CCDC30: variants seen among roughly 807,000 people sequenced by gnomAD.
The protein encoded by CCDC30 is coiled-coil domain-containing protein 30.
Under a neutral mutation model 100.2 loss-of-function variants are expected in CCDC30, and 70 were observed. That is an observed-to-expected ratio of 0.70 (90% CI 0.58 to 0.85). The LOEUF is 0.85. Among genes scored for constraint, CCDC30 ranks in the 40% least tolerant of loss-of-function variants. CCDC30 has a pLI of 0.00. For missense variants in CCDC30, 652 were observed against 771.2 expected (o/e 0.85, Z 1.83); for synonymous variants, 233 against 269.5 (o/e 0.86, Z 1.33).
chr1:42,460,057 A>C, upstream of CCDC30: 1 of 1,417,256 alleles, frequency 7.1e-7, no homozygotes, highest in East Asian at 2.5e-5. Context: ...GTGTAGGCAA[A>C]TATGGTTTGG....
intron 6 of CCDC30, among the ~76,000 whole-genome samples, chr1:42,505,727 G>A (rs777215171): frequency 2.2e-4 from 33 of 152,294 alleles, no homozygotes; most frequent in Non-Finnish European, 4.1e-4. Context: ...TGTGAGTTGG[G>A]TGATCCTTTC....
At chr1:42,539,352 A>G in intron 6 of CCDC30, 42 bp downstream of exon 8, 1 of 1,510,598 alleles carries the variant, frequency 6.6e-7, no homozygotes, top group South Asian at 1.3e-5. Context: ...TATTTAATGT[A>G]GCTTTTATGA....
At chr1:42,586,251 G>T (rs1027802370) in intron 9 of CCDC30, among the ~76,000 whole-genome samples, 4 of 152,184 alleles carry the variant, frequency 2.6e-5, no homozygotes, top group Non-Finnish European at 5.9e-5. Context: ...GTGAGAAAAT[G>T]AGATAAGGAG....
intron 9 of CCDC30, among the ~76,000 whole-genome samples, chr1:42,587,477 T>C (rs963019499): frequency 2.6e-5 from 4 of 152,086 alleles, no homozygotes; most frequent in Admixed American, 2.6e-4. Flanking sequence ...GTGAATTAGA[T>C]GAAGGAGAGA....
chr1:42,476,671 A>C lies in CCDC30; in HGVS notation c.-91-3790A>C, dbSNP rs1186260756. 3.6e-3 allele frequency among the ~76,000 whole-genome samples: 538 copies of C among 151,026 alleles called. 3 individuals carry two copies. The highest frequency in any genetic ancestry group is 0.013 in the African/African-American group (517 of 41,172). On this transcript the variant is annotated intron_variant, in intron 1 of 16. Coordinates refer to ENST00000668663, the Ensembl canonical transcript of CCDC30. ...TGCCGTTGCACTCCAGCCTGGGCAA[A>C]AGGAGTGAAACTCCTTCTCAAAAAA...
rs1647181268 is a variant in CCDC30, at chr1:42,637,379, G to A, written c.1419+1G>A. ...AATCCTGCAACATAAAATAGAAAAG[G>A]TGAGGAAAAAATAAAAGGTGAAGAG... On this transcript the variant is annotated splice_donor_variant, in intron 12 of 16. Transcript: ENST00000668663. LOFTEE classifies it high-confidence loss of function. 1 of 1,604,956 alleles carries A rather than the reference G, an allele frequency of 6.2e-7. No homozygotes were observed. Among genetic ancestry groups the A allele is most frequent in the Non-Finnish European group, 8.5e-7 (1 of 1,177,248 alleles).
At chr1:42,589,440 C>G (rs1281114654) in exon 10 of CCDC30, 19 of 1,613,644 alleles carry the variant, frequency 1.2e-5, no homozygotes, top group Non-Finnish European at 1.5e-5. Context: ...CAACAAGAGG[C>G]CCTACTTAAA....
chr1:42,456,618 G>T, the CCDC30 span: 1 of 1,551,524 alleles, frequency 6.4e-7, no homozygotes, highest in Non-Finnish European at 8.7e-7. Flanking sequence ...GGTGCTGCGC[G>T]CTGGGCTGAG....
intron 10 of CCDC30, among the ~76,000 whole-genome samples, chr1:42,600,890 A>C (rs1263312968): frequency 6.7e-6 from 1 of 150,132 alleles, no homozygotes; most frequent in Non-Finnish European, 1.5e-5. Context: ...TCACTGTGGT[A>C]AGACATGTCT....
intron 6 of CCDC30, among the ~76,000 whole-genome samples, chr1:42,519,123 G>C (rs893701519): frequency 2.0e-5 from 3 of 152,152 alleles, no homozygotes; most frequent in African/African-American, 7.2e-5. Context: ...TGCATTCCAG[G>C]ACTGAATTCT....
At chr1:42,486,961 T>A (rs1644060904) in intron 3 of CCDC30, among the ~76,000 whole-genome samples, 1 of 152,010 alleles carries the variant, frequency 6.6e-6, no homozygotes, top group African/African-American at 2.4e-5. Flanking sequence ...TAAAAGGCAA[T>A]CCTATAGAGA....
intron 10 of CCDC30, among the ~76,000 whole-genome samples, chr1:42,609,313 GTTTAC>G (rs1482577949): frequency 1.3e-5 from 2 of 152,014 alleles, no homozygotes; most frequent in African/African-American, 4.8e-5. Context: ...ATTTTCTCTA[GTTTAC>G]TTTATTGCAA....
chr1:42,652,875 G>A (rs1048873484), intron 15 of CCDC30, among the ~76,000 whole-genome samples: 22 of 152,176 alleles, frequency 1.4e-4, no homozygotes. Context: ...AAGGATTTGG[G>A]GGAGGAATAA....
At chr1:42,536,882 C>T in intron 6 of CCDC30, 2 of 398,034 alleles carry the variant, frequency 5.0e-6, no homozygotes, top group Non-Finnish European at 9.1e-6. Flanking sequence ...ACAGAGTGAG[C>T]AAGCTCTGGT....
chr1:42,655,924 A>G (rs1197205444), downstream of CCDC30, among the ~76,000 whole-genome samples: 2 of 122,408 alleles, frequency 1.6e-5, no homozygotes, highest in East Asian at 4.9e-4. Flanking sequence ...CCCAGGCTGG[A>G]GTGCAGTGGT....
intron 7 of CCDC30, chr1:42,571,498 A>AG (rs1645731983): frequency 6.6e-6 from 1 of 152,198 alleles, no homozygotes; most frequent in Admixed American, 6.5e-5. Context: ...ATGAAAAAAA[A>AG]AAATGAACCA....
chr1:42,549,065 G>A (rs1307092600), intron 6 of CCDC30, among the ~76,000 whole-genome samples: 3 of 152,128 alleles, frequency 2.0e-5, no homozygotes, highest in African/African-American at 7.2e-5. Flanking sequence ...TTCCAACTTA[G>A]CAGTTTTCAA....
chr1:42,607,678 A>G (rs972075132), intron 10 of CCDC30, among the ~76,000 whole-genome samples: 7 of 152,112 alleles, frequency 4.6e-5, no homozygotes, highest in Admixed American at 2.0e-4. Flanking sequence ...CACAAAGGAC[A>G]TGTATTAGTA....
chr1:42,520,663 C>G (rs1217878459), intron 6 of CCDC30, among the ~76,000 whole-genome samples: 2 of 75,494 alleles, frequency 2.6e-5, no homozygotes, highest in East Asian at 1.0e-3. Flanking sequence ...TTTTTTGAGA[C>G]AGAGTCTCAC....
Sources: allele counts gnomAD v4.1 joint callset (sites outside exome capture counted in the v4.1 genomes callset), GRCh38; gene constraint gnomAD v4.1.1; transcripts MANE v1.5; gene names NCBI Gene and HGNC (gene_info 2026-07-23, HGNC 2026-07-21).